Variants in PTPRD observed in about 807,000 individuals in gnomAD.
PTPRD encodes protein tyrosine phosphatase receptor type D.
PTPRD carries 34 observed loss-of-function variants against 214.5 expected under a neutral mutation model. The observed-to-expected ratio is 0.16, with a 90% CI of 0.12 to 0.21. PTPRD has a LOEUF of 0.21. Among genes scored for constraint, PTPRD ranks in the 10% least tolerant of loss-of-function variants. The pLI is 1.00. For synonymous variants in PTPRD, 1,128 were observed against 845.7 expected, an observed-to-expected ratio of 1.33 and a Z score of -5.79; for missense variants, 2,545 against 2,398.7, an observed-to-expected ratio of 1.06 and a Z score of -1.27.
chr9:9,021,478 G>A (rs1030389192), intron 10 of PTPRD, among the ~76,000 whole-genome samples: 1 of 152,038 alleles, frequency 6.6e-6, no homozygotes, highest in African/African-American at 2.4e-5. Context: ...CAATGACTAT[G>A]TTACTGGTTT....
chr9:8,683,339 T>C (rs1254659291), intron 12 of PTPRD, among the ~76,000 whole-genome samples: 7 of 151,034 alleles, frequency 4.6e-5, no homozygotes, highest in Non-Finnish European at 8.8e-5. Context: ...AAATGTTAAT[T>C]CATAACTTGG....
At chr9:10,448,136 C>A (rs1035184528) in intron 2 of PTPRD, among the ~76,000 whole-genome samples, 1 of 152,018 alleles carries the variant, frequency 6.6e-6, no homozygotes, top group Admixed American at 6.5e-5. Flanking sequence ...AAATTCAAGT[C>A]TTTTCGAGTC....
At chr9:8,402,325 T>C (rs1005267813) in intron 36 of PTPRD, among the ~76,000 whole-genome samples, 3 of 152,180 alleles carry the variant, frequency 2.0e-5, no homozygotes, top group Non-Finnish European at 4.4e-5. Context: ...GAACGAAATG[T>C]GCATAGTTTT....
chr9:9,772,303 CT>C (rs1338372889), intron 5 of PTPRD, among the ~76,000 whole-genome samples: 1 of 152,030 alleles, frequency 6.6e-6, no homozygotes, highest in Non-Finnish European at 1.5e-5. Flanking sequence ...AACTTTTAGC[CT>C]ACAAAATCAT....
At chr9:8,695,278 A>C (rs2097887503) in intron 12 of PTPRD, among the ~76,000 whole-genome samples, 2 of 152,144 alleles carry the variant, frequency 1.3e-5, no homozygotes, top group South Asian at 4.1e-4. Context: ...CTAAATTTTC[A>C]TTCACCAGGA....
intron 2 of PTPRD, among the ~76,000 whole-genome samples, chr9:10,365,175 A>G (rs894680429): frequency 1.3e-5 from 2 of 152,134 alleles, no homozygotes; most frequent in African/African-American, 2.4e-5. Flanking sequence ...CAGTTCTCCA[A>G]TTATTCTTTG....
In PTPRD at chr9:8,530,865, T is replaced by C. The variant is rs187827589; in HGVS notation, c.353-2086A>G. Among the ~76,000 whole-genome samples the C allele has an allele frequency of 5.3e-5, 8 of 152,142 alleles. No homozygotes were observed. The East Asian group carries it at 1.4e-3, about 26-fold the overall frequency. ...ATTGTAAGATAAAATTGATGGACTA[T>C]TAAGGAAAAGCGTAGACTCTGGCTC... is the stretch of plus-strand genomic sequence containing the variant. On this transcript the variant is annotated intron_variant, in intron 14 of 45. Coordinates refer to ENST00000381196, the MANE Select transcript of PTPRD (RefSeq NM_002839.4).
chr9:9,232,802 G>T (rs988053561), intron 9 of PTPRD, among the ~76,000 whole-genome samples: 2 of 152,070 alleles, frequency 1.3e-5, no homozygotes, highest in Admixed American at 6.6e-5. Flanking sequence ...AGTAGCCTCA[G>T]ACCCACGATC....
chr9:8,810,049 A>G (rs2096770027), intron 11 of PTPRD, among the ~76,000 whole-genome samples: 1 of 152,144 alleles, frequency 6.6e-6, no homozygotes, highest in African/African-American at 2.4e-5. Context: ...TGCTCCCCTA[A>G]TGGATATGAC....
chr9:9,344,225 G>C (rs2047938430), intron 9 of PTPRD, among the ~76,000 whole-genome samples: 1 of 151,964 alleles, frequency 6.6e-6, no homozygotes, highest in Non-Finnish European at 1.5e-5. Flanking sequence ...ACTAACACAA[G>C]AACAGAAACC....
chr9:8,581,135 CAG>C (rs922690761), intron 14 of PTPRD, among the ~76,000 whole-genome samples: 65 of 151,824 alleles, frequency 4.3e-4, no homozygotes, highest in African/African-American at 1.4e-3. Flanking sequence ...GAAGCTGGAA[CAG>C]AGAGTCAAGT....
chr9:9,984,525 T>G (rs1314646311), intron 4 of PTPRD, among the ~76,000 whole-genome samples: 1 of 152,148 alleles, frequency 6.6e-6, no homozygotes, highest in Non-Finnish European at 1.5e-5. Context: ...TGGACGCAGG[T>G]GAGCCACAAC....
At chr9:8,504,203 T>G (rs1203523194) in intron 23 of PTPRD, 58 bp downstream of exon 23, 1 of 1,582,660 alleles carries the variant, frequency 6.3e-7, no homozygotes, top group East Asian at 2.2e-5. Flanking sequence ...AGGTGAAAGC[T>G]AGCAACATCT....
intron 7 of PTPRD, among the ~76,000 whole-genome samples, chr9:9,657,050 T>C (rs928079533): frequency 1.5e-4 from 23 of 152,086 alleles, no homozygotes; most frequent in African/African-American, 5.6e-4. Flanking sequence ...AACAACCACT[T>C]GAATAGTTAA....
At chr9:9,267,124 T>C (rs111883613) in intron 9 of PTPRD, among the ~76,000 whole-genome samples, 7 of 151,438 alleles carry the variant, frequency 4.6e-5, no homozygotes, top group African/African-American at 1.7e-4. Flanking sequence ...ACGCATTATA[T>C]GTATTGAAAC....
intron 9 of PTPRD, among the ~76,000 whole-genome samples, chr9:9,276,930 G>A (rs1945870337): frequency 6.6e-6 from 1 of 151,314 alleles, no homozygotes; most frequent in Non-Finnish European, 1.5e-5. Context: ...TGCCTGGAAA[G>A]TTACTTCCTT....
intron 2 of PTPRD, among the ~76,000 whole-genome samples, chr9:10,529,390 T>TA (rs943756377): frequency 6.6e-6 from 1 of 152,150 alleles, no homozygotes; most frequent in African/African-American, 2.4e-5. Context: ...TATTCAGCCA[T>TA]AAAAAAGAAT....
At position 9,954,805 on chromosome 9, in the gene PTPRD, T is replaced by A. The variant is rs369687484; in HGVS notation, c.-471-16195A>T. On this transcript the variant is annotated intron_variant, in intron 4 of 45. Coordinates refer to ENST00000381196, the MANE Select transcript of PTPRD (RefSeq NM_002839.4). ...AGTAATAGATACAAGTAACTATATA[T>A]ACAATATAAGTAGAATTTTCCTTCA... 1.5e-3 allele frequency among the ~76,000 whole-genome samples: 232 copies of A among 152,270 alleles called. 8 individuals are homozygous for A. In the South Asian group the frequency reaches 0.047, roughly 31 times the overall value.
intron 8 of PTPRD, among the ~76,000 whole-genome samples, chr9:9,482,613 C>T (rs564657874): frequency 9.2e-5 from 14 of 152,148 alleles, no homozygotes; most frequent in Non-Finnish European, 2.1e-4. Context: ...AATCATAGTT[C>T]AGGTATTTAC....
Sources: allele counts gnomAD v4.1 joint callset (sites outside exome capture counted in the v4.1 genomes callset), GRCh38; gene constraint gnomAD v4.1.1; transcripts MANE v1.5; gene names NCBI Gene and HGNC (gene_info 2026-07-23, HGNC 2026-07-21).